The following CAST variants were observed in gnomAD, a reference collection of about 807,000 sequenced individuals.
CAST encodes calpastatin.
Under a neutral mutation model 119.6 loss-of-function variants are expected in CAST, and 76 were observed. That is an observed-to-expected ratio of 0.64 (90% confidence interval 0.53 to 0.77). CAST has a LOEUF of 0.77. CAST is among the 30% of genes least tolerant of loss of function. The pLI is 0.00. For missense variants in CAST, 953 were observed against 946.5 expected (o/e 1.01, Z -0.09); for synonymous variants, 319 against 331.6 (o/e 0.96, Z 0.41).
At chr5:96,439,695 C>A in the CAST span, among the ~76,000 whole-genome samples, 2 of 152,108 alleles carry the variant, frequency 1.3e-5, no homozygotes, top group South Asian at 4.2e-4. Context: ...AAATTGGTCA[C>A]CTCGGGGTTG....
intron 1 of CAST, among the ~76,000 whole-genome samples, chr5:96,625,749 G>A (rs745944781): frequency 6.6e-6 from 1 of 152,192 alleles, no homozygotes; most frequent in Non-Finnish European, 1.5e-5. Flanking sequence ...ATGGCTGACA[G>A]CCCCGGTTGC....
the CAST span, among the ~76,000 whole-genome samples, chr5:96,064,971 G>T: frequency 6.6e-6 from 1 of 152,072 alleles, no homozygotes; most frequent in Non-Finnish European, 1.5e-5. Context: ...TCTTTCCGCT[G>T]ACTTCACATG....
At chr5:96,705,273 G>T (rs1212554132) in intron 3 of CAST, among the ~76,000 whole-genome samples, 1 of 151,896 alleles carries the variant, frequency 6.6e-6, no homozygotes, top group African/African-American at 2.4e-5. Flanking sequence ...AGCTGTGATT[G>T]TGCTGCTGCA....
chr5:96,145,819 C>A, the CAST span, among the ~76,000 whole-genome samples: 1 of 152,178 alleles, frequency 6.6e-6, no homozygotes, highest in Non-Finnish European at 1.5e-5. Flanking sequence ...TTCTTCTGCT[C>A]CACATAAAGT....
chr5:96,115,808 T>C, the CAST span, among the ~76,000 whole-genome samples: 1 of 152,174 alleles, frequency 6.6e-6, no homozygotes, highest in Non-Finnish European at 1.5e-5. Context: ...GGGTTCATTC[T>C]GAAAGGACAC....
chr5:96,119,705 C>A, the CAST span, among the ~76,000 whole-genome samples: 3 of 152,178 alleles, frequency 2.0e-5, no homozygotes, highest in South Asian at 6.2e-4. Flanking sequence ...CAGAATGTCA[C>A]AAGGTTATTC....
rs77452450 is a variant in CAST, at chr5:96,693,322, T to G, written c.139-2514T>G. Among the ~76,000 whole-genome samples, 1,047 of 152,358 alleles carry G rather than the reference T, an allele frequency of 6.9e-3. 17 individuals carry two copies. The highest frequency in any genetic ancestry group is 0.024 in the African/African-American group (1,013 of 41,576). Reference sequence around the variant, plus strand: ...TCATTTTCAGCATATAAATTAAGTTTAAACAGTCATTATTTTTAACTTAAT... The same window carrying G: ...TCATTTTCAGCATATAAATTAAGTTGAAACAGTCATTATTTTTAACTTAAT... On this transcript the variant is annotated intron_variant, in intron 2 of 31. Transcript: ENST00000675179.
the CAST span, among the ~76,000 whole-genome samples, chr5:96,175,111 T>C: frequency 6.6e-6 from 1 of 152,204 alleles, no homozygotes; most frequent in Non-Finnish European, 1.5e-5. Flanking sequence ...TTCTTATTTT[T>C]ATTATTGGTA....
the CAST span, among the ~76,000 whole-genome samples, chr5:96,464,513 T>C: frequency 6.6e-6 from 1 of 152,088 alleles, no homozygotes; most frequent in Non-Finnish European, 1.5e-5. Context: ...TTTTCTCAGC[T>C]AGTTCTACTC....
At position 96,772,683 on chromosome 5, in the gene CAST, A is replaced by C. The variant is rs1289927727; in HGVS notation, c.*67A>C. 2.0e-5 allele frequency: 3 copies of C among 152,794 alleles called. No individual in the cohort carries two copies. In the East Asian group the frequency reaches 5.6e-4, roughly 29 times the overall value. 9.5% of individuals were successfully genotyped at this position (152,794 alleles called of 1,614,324 possible). A position where few individuals can be genotyped will look rare whatever the true frequency, so the allele number is the denominator to read the frequency against. ...TTCAGCTGGTGGATGGTGACTTTTG[A>C]AGAACAAAAGGCTTTGGCAACAGAA... On this transcript the variant is annotated 3_prime_UTR_variant, in exon 32 of 32. Coordinates refer to ENST00000675179, the MANE Select transcript of CAST (RefSeq NM_001750.7).
At chr5:96,771,575 T>C (rs1772333934) in intron 30 of CAST, 69 bp from the exon 31 acceptor site, 3 of 1,183,720 alleles carry the variant, frequency 2.5e-6, no homozygotes, top group Non-Finnish European at 3.7e-6. Flanking sequence ...CCCCTAATTC[T>C]GAGAAGGCCA....
the CAST span, among the ~76,000 whole-genome samples, chr5:96,202,823 T>G: frequency 1.3e-5 from 2 of 152,226 alleles, no homozygotes; most frequent in South Asian, 4.1e-4. Flanking sequence ...TAATATTGAC[T>G]GTTGAACTGA....
the CAST span, among the ~76,000 whole-genome samples, chr5:96,147,370 C>T: frequency 3.3e-5 from 5 of 152,102 alleles, no homozygotes; most frequent in East Asian, 7.7e-4. Context: ...TTTGGGAGGC[C>T]GAGGCGGGCG....
At chr5:96,240,630 C>G in the CAST span, among the ~76,000 whole-genome samples, 1 of 151,848 alleles carries the variant, frequency 6.6e-6, no homozygotes, top group Admixed American at 6.6e-5. Flanking sequence ...GTGGCATGAT[C>G]ATAGTTCACT....
At chr5:96,038,537 G>GCCCCCCA in the CAST span, among the ~76,000 whole-genome samples, 6 of 120,604 alleles carry the variant, frequency 5.0e-5, no homozygotes, top group Non-Finnish European at 6.9e-5. Flanking sequence ...CCCACCCCCC[G>GCCCCCCA]CAGGCCCTGG....
the CAST span, among the ~76,000 whole-genome samples, chr5:95,990,018 C>G: frequency 6.6e-6 from 1 of 152,164 alleles, no homozygotes; most frequent in Non-Finnish European, 1.5e-5. Flanking sequence ...TAAAATTCCA[C>G]TTCTACTCAC....
At chr5:96,370,284 A>G in the CAST span, among the ~76,000 whole-genome samples, 199 of 152,196 alleles carry the variant, frequency 1.3e-3, 2 homozygotes, top group African/African-American at 4.5e-3. Flanking sequence ...TGTATGTACC[A>G]GGCACTGTTA....
chr5:96,663,114 A>G, intron 1 of CAST: 3 of 702,538 alleles, frequency 4.3e-6, no homozygotes, highest in Non-Finnish European at 7.8e-6. Flanking sequence ...CGCCGTGCGG[A>G]TCGGAGCCAG....
the CAST span, among the ~76,000 whole-genome samples, chr5:96,235,685 T>G: frequency 6.6e-6 from 1 of 152,282 alleles, no homozygotes; most frequent in South Asian, 2.1e-4. Flanking sequence ...CCCCACACCA[T>G]GGCCCTAAAC....
Sources: allele counts gnomAD v4.1 joint callset (sites outside exome capture counted in the v4.1 genomes callset), GRCh38; gene constraint gnomAD v4.1.1; transcripts MANE v1.5; gene names NCBI Gene and HGNC (gene_info 2026-07-23, HGNC 2026-07-21).